DOCK2: variants seen among roughly 807,000 people sequenced by gnomAD.
DOCK2 encodes dedicator of cytokinesis 2, also known as dedicator of cytokinesis protein 2.
A neutral mutation model predicts 248.9 loss-of-function variants in DOCK2; 87 were observed. That is an observed-to-expected ratio of 0.35 (90% confidence interval 0.29 to 0.42). The LOEUF (loss-of-function observed/expected upper bound fraction) is 0.42, where lower values mean the gene tolerates loss of function less well. Ranked by LOEUF, DOCK2 falls within the 10% of genes least tolerant of loss-of-function variation. DOCK2 has a pLI of 1.00. For missense variants in DOCK2, 1,747 were observed against 2,300.2 expected (o/e 0.76, Z 4.92); for synonymous variants, 805 against 821.6 (o/e 0.98, Z 0.35).
rs975273273 is a variant in DOCK2 at position 170,008,875 on chromosome 5, C to T, written c.3232+129C>T. The T allele has an allele frequency of 5.0e-5, 57 of 1,137,576 alleles. 1 individual carries two copies. The South Asian group carries it at 7.1e-4, about 14-fold the overall frequency. The allele number at this position is 1,137,576 out of a possible 1,614,324, so 70.5% of individuals were successfully genotyped here. On this transcript the variant is annotated intron_variant, in intron 32 of 51. Coordinates refer to ENST00000520908, the MANE Select transcript of DOCK2 (RefSeq NM_004946.3). ...AAATAACAGTTCATTACTGTGTGTA[C>T]CCCAGTTCCTAATAAGTGCCTGATT...
In DOCK2 at chr5:170,042,106, A is replaced by ATCATAGGCTACT; in HGVS notation, c.3852_3863dup (p.Ile1285_Phe1288dup). 1 of 1,613,026 alleles carries ATCATAGGCTACT rather than the reference A, an allele frequency of 6.2e-7. No homozygotes were observed. The highest frequency in any genetic ancestry group is 8.5e-7 in the Non-Finnish European group (1 of 1,179,430). On this transcript the variant is annotated inframe_insertion, in exon 38 of 52. Coordinates refer to ENST00000520908, the MANE Select transcript of DOCK2 (RefSeq NM_004946.3). Reference sequence around the variant, plus strand: ...GCTGAAGGAGACGCTCTACGAGACCATCATAGGCTACTTTGACAAAGGAAA... The same window carrying ATCATAGGCTACT: ...GCTGAAGGAGACGCTCTACGAGACCATCATAGGCTACTTCATAGGCTACTTTGACAAAGGAAA...
chr5:169,843,699 G>T (rs901275816), intron 27 of DOCK2, among the ~76,000 whole-genome samples: 1 of 152,102 alleles, frequency 6.6e-6, no homozygotes, highest in East Asian at 1.9e-4. Flanking sequence ...TCCATTTGCA[G>T]TCACTTTCTT....
chr5:170,065,477 A>AAC (rs147657932), intron 44 of DOCK2, among the ~76,000 whole-genome samples: 16,448 of 148,240 alleles, frequency 0.11, 1,929 homozygotes, highest in African/African-American at 0.32. Context: ...CAACAACAAC[A>AAC]AAAAAACCTA....
At chr5:169,989,882 G>A (rs1385105570) in intron 29 of DOCK2, among the ~76,000 whole-genome samples, 3 of 152,126 alleles carry the variant, frequency 2.0e-5, no homozygotes, top group Non-Finnish European at 4.4e-5. Flanking sequence ...TCTATGGTTT[G>A]GGTATAGCCA....
chr5:169,945,569 G>A (rs1281370782), intron 27 of DOCK2, among the ~76,000 whole-genome samples: 2 of 152,214 alleles, frequency 1.3e-5, no homozygotes, highest in Non-Finnish European at 2.9e-5. Flanking sequence ...CATTTCGAAG[G>A]TGAGAAAATC....
intron 25 of DOCK2, among the ~76,000 whole-genome samples, chr5:169,766,967 G>T (rs1764830155): frequency 6.6e-6 from 1 of 152,106 alleles, no homozygotes; most frequent in Non-Finnish European, 1.5e-5. Context: ...TGCTGGCCAG[G>T]CTGGTCTCAA....
chr5:169,895,106 C>T (rs937038275), intron 27 of DOCK2, among the ~76,000 whole-genome samples: 6 of 152,176 alleles, frequency 3.9e-5, no homozygotes, highest in Admixed American at 1.3e-4. Context: ...GCCCCATCCA[C>T]CTCCCATGCA....
At chr5:169,979,759 G>A (rs1171273480) in intron 27 of DOCK2, among the ~76,000 whole-genome samples, 6 of 152,290 alleles carry the variant, frequency 3.9e-5, no homozygotes, top group Middle Eastern at 3.4e-3. Flanking sequence ...GTTTTTCTAC[G>A]TGGTAGTGAG....
intron 27 of DOCK2, chr5:169,881,398 G>GTACC: frequency 6.4e-7 from 1 of 1,551,518 alleles, no homozygotes; most frequent in Non-Finnish European, 8.7e-7. Flanking sequence ...GTTCTGGCAG[G>GTACC]TACTGCAATT....
Position 169,712,051 on chromosome 5 carries a change from G to C in DOCK2, c.1555+44G>C, listed in dbSNP as rs1250151366. ...GGCATCTCTGCACCTCCCCCTAAGG[G>C]GAGAAGAATGGAAGAGCTGGGTGGC... On this transcript the variant is annotated intron_variant, in intron 16 of 51. Coordinates refer to ENST00000520908, the MANE Select transcript of DOCK2 (RefSeq NM_004946.3). 4 of 1,613,810 alleles carry C rather than the reference G, an allele frequency of 2.5e-6. No individual in the cohort carries two copies. In the Admixed American group the frequency reaches 6.7e-5, roughly 27 times the overall value.
At chr5:169,757,397 G>A (rs1360207075) in intron 23 of DOCK2, among the ~76,000 whole-genome samples, 4 of 152,082 alleles carry the variant, frequency 2.6e-5, no homozygotes, top group Non-Finnish European at 5.9e-5. Context: ...CTTTGCTTAA[G>A]CCAATGCTTT....
chr5:169,742,034 T>C (rs778259258), intron 22 of DOCK2, among the ~76,000 whole-genome samples: 7 of 152,006 alleles, frequency 4.6e-5, no homozygotes, highest in Non-Finnish European at 1.0e-4. Context: ...GCCAGGATGG[T>C]CTCAATCTCC....
At chr5:169,700,165 C>T in intron 13 of DOCK2, 26 bp downstream of exon 13, 2 of 1,608,642 alleles carry the variant, frequency 1.2e-6, no homozygotes, top group Non-Finnish European at 1.7e-6. Context: ...TCTGACCTTC[C>T]CCTGGGGACA....
At chr5:169,685,289 C>G (rs1427783472) in intron 8 of DOCK2, among the ~76,000 whole-genome samples, 3 of 152,218 alleles carry the variant, frequency 2.0e-5, no homozygotes, top group Non-Finnish European at 4.4e-5. Flanking sequence ...AGTGAGGGAA[C>G]TTCTGGGTGC....
intron 22 of DOCK2, among the ~76,000 whole-genome samples, chr5:169,723,662 A>G (rs1163104954): frequency 6.6e-6 from 1 of 151,998 alleles, no homozygotes; most frequent in East Asian, 1.9e-4. Context: ...CCTTCCCCAG[A>G]TCCATTTGTT....
At chr5:169,818,011 A>T (rs1768177398) in intron 26 of DOCK2, among the ~76,000 whole-genome samples, 1 of 152,206 alleles carries the variant, frequency 6.6e-6, no homozygotes. Context: ...ACCAACTTTG[A>T]GTACTGCTGG....
Position 169,769,949 on chromosome 5 carries a change from G to C in DOCK2, c.2554+8324G>C, listed in dbSNP as rs190049136. On this transcript the variant is annotated intron_variant, in intron 25 of 51. Transcript: ENST00000520908. ...ATTTACGTTCCTGGTCTATACACAC[G>C]TTTATGTGCCTGGTCTTACTGATAC... 2.0e-5 allele frequency among the ~76,000 whole-genome samples: 3 copies of C among 152,284 alleles called. No homozygotes were observed. In the South Asian group the frequency reaches 6.2e-4, roughly 32 times the overall value.
At chr5:169,686,739 T>C (rs1244615864) in intron 8 of DOCK2, among the ~76,000 whole-genome samples, 2 of 152,132 alleles carry the variant, frequency 1.3e-5, no homozygotes, top group Non-Finnish European at 2.9e-5. Flanking sequence ...CTGGGGAGAA[T>C]ATAGCTAGGA....
At chr5:170,070,476 G>A (rs1392412190) in intron 46 of DOCK2, among the ~76,000 whole-genome samples, 1 of 152,196 alleles carries the variant, frequency 6.6e-6, no homozygotes, top group Non-Finnish European at 1.5e-5. Flanking sequence ...TTGTGTGTCT[G>A]TCTGGAATTT....
Sources: gnomAD v4.1 joint callset for allele counts (sites outside exome capture counted in the v4.1 genomes callset) on GRCh38, gnomAD v4.1.1 for gene constraint, MANE v1.5 for transcripts, NCBI Gene and HGNC (gene_info 2026-07-23, HGNC 2026-07-21) for gene names.